The following TMEM223 variants were observed in gnomAD, a reference collection of about 807,000 sequenced individuals.
The protein encoded by TMEM223 is transmembrane protein 223.
A neutral mutation model predicts 14.1 loss-of-function variants in TMEM223; 14 were observed. That is an observed-to-expected ratio of 0.99 (90% CI 0.66 to 1.55). The LOEUF (loss-of-function observed/expected upper bound fraction) is 1.55. TMEM223 is among the 40% of genes most tolerant of loss of function. The pLI is 0.00. For synonymous variants in TMEM223, 145 were observed against 120.5 expected, an observed-to-expected ratio of 1.20 and a Z score of -1.33; for missense variants, 346 against 269.9, an observed-to-expected ratio of 1.28 and a Z score of -1.97.
downstream of TMEM223, chr11:62,787,025 C>A: frequency 4.0e-6 from 6 of 1,499,968 alleles, no homozygotes; most frequent in Non-Finnish European, 4.4e-6. Context: ...GCGCGCGGGG[C>A]ACCCCGGCAG....
downstream of TMEM223, chr11:62,787,181 C>G: frequency 1.3e-6 from 2 of 1,586,926 alleles, no homozygotes; most frequent in Non-Finnish European, 1.7e-6. Flanking sequence ...TTCCCCGCGC[C>G]GTACGGGCCT....
At chr11:62,783,377 G>C (rs910078474), downstream of TMEM223, among the ~76,000 whole-genome samples, 19 of 151,950 alleles carry the variant, frequency 1.3e-4, no homozygotes, top group Non-Finnish European at 1.3e-4. Flanking sequence ...AGCTACTCGG[G>C]AGGCTGAGGC....
chr11:62,787,907 T>C (rs1442926600), downstream of TMEM223: 13 of 522,948 alleles, frequency 2.5e-5, no homozygotes, highest in Non-Finnish European at 4.4e-5. Flanking sequence ...TAAAGCATAG[T>C]GTAGTGGAGA....
chr11:62,789,473 T>G, downstream of TMEM223: 1 of 1,612,190 alleles, frequency 6.2e-7, no homozygotes, highest in Non-Finnish European at 8.5e-7. Context: ...CTACCTTCCC[T>G]CTGCAGCGGG....
intron 1 of TMEM223, chr11:62,778,141 G>T: frequency 6.2e-7 from 1 of 1,614,162 alleles, no homozygotes; most frequent in Non-Finnish European, 8.5e-7. Context: ...GGCTGCCGGG[G>T]TCCTGCATGG....
intron 1 of TMEM223, 33 bp downstream of exon 1, chr11:62,791,646 G>A (rs781592249): frequency 6.7e-7 from 1 of 1,493,920 alleles, no homozygotes; most frequent in South Asian, 1.3e-5. Flanking sequence ...GCCACCCCAC[G>A]TTGTCACAGT....
At chr11:62,787,673 T>C (rs2084303686), downstream of TMEM223, 1 of 1,090,562 alleles carries the variant, frequency 9.2e-7, no homozygotes, top group Non-Finnish European at 1.3e-6. Flanking sequence ...GTACCTGAAA[T>C]GCAGCGAGGC....
chr11:62,782,545 C>G (rs535641519), downstream of TMEM223: 17 of 1,238,814 alleles, frequency 1.4e-5, no homozygotes, highest in African/African-American at 2.4e-4. Flanking sequence ...CCCTCAGGTC[C>G]TAGGCCAGTC....
intron 2 of TMEM223, among the ~76,000 whole-genome samples, chr11:62,772,622 G>A (rs1477601943): frequency 1.3e-5 from 2 of 151,548 alleles, no homozygotes; most frequent in South Asian, 2.1e-4. Flanking sequence ...CTGAGGTCAG[G>A]AGTTCCAGAC....
chr11:62,788,954 C>A, downstream of TMEM223: 1 of 1,495,346 alleles, frequency 6.7e-7, no homozygotes. Flanking sequence ...TTATCACTAA[C>A]ACCCTACCAA....
chr11:62,777,360 A>G (rs774333737), intron 1 of TMEM223, among the ~76,000 whole-genome samples: 5 of 152,172 alleles, frequency 3.3e-5, no homozygotes, highest in Non-Finnish European at 5.9e-5. Context: ...CTAAACGCAC[A>G]CATAAGGGAA....
chr11:62,775,943 C>G (rs965423570), intron 1 of TMEM223: 8 of 1,594,208 alleles, frequency 5.0e-6, no homozygotes, highest in Non-Finnish European at 6.0e-6. Context: ...ACACTCCCCT[C>G]ACCCCCTGAT....
intron 1 of TMEM223, among the ~76,000 whole-genome samples, chr11:62,779,666 T>TA (rs200285099): frequency 0.012 from 1,816 of 151,256 alleles, 15 homozygotes; most frequent in Non-Finnish European, 0.016. Context: ...TTATTTTAAT[T>TA]AAAAAAACAT....
downstream of TMEM223, chr11:62,782,878 A>AAAAAT (rs529123283): frequency 2.9e-4 from 462 of 1,601,214 alleles, no homozygotes; most frequent in South Asian, 3.7e-3. Flanking sequence ...TTTGTGTTAG[A>AAAAAT]AAAATAGTAC....
At chr11:62,773,958 T>A (rs1382510805) in intron 2 of TMEM223, among the ~76,000 whole-genome samples, 1 of 152,044 alleles carries the variant, frequency 6.6e-6, no homozygotes, top group Non-Finnish European at 1.5e-5. Flanking sequence ...TTTGAGGAAC[T>A]GAAAGGAGGA....
intron 1 of TMEM223, chr11:62,775,885 G>A (rs149856351): frequency 6.8e-6 from 11 of 1,613,812 alleles, no homozygotes; most frequent in Middle Eastern, 1.6e-4. Flanking sequence ...AGGTGGCGGC[G>A]CTGCTCGCAG....
At chr11:62,780,926 G>C in intron 1 of TMEM223, among the ~76,000 whole-genome samples, 1 of 122,598 alleles carries the variant, frequency 8.2e-6, no homozygotes, top group East Asian at 2.6e-4. Context: ...AATAGAGTGA[G>C]ACTCCATCTC....
At chr11:62,776,429 G>A (rs749726160) in intron 1 of TMEM223, 1 of 1,613,736 alleles carries the variant, frequency 6.2e-7, no homozygotes, top group Admixed American at 1.7e-5. Context: ...GAAGCTGACG[G>A]TTGAGGACTT....
chr11:62,773,570 T>C (rs2084165187), intron 2 of TMEM223, among the ~76,000 whole-genome samples: 1 of 151,726 alleles, frequency 6.6e-6, no homozygotes, highest in Non-Finnish European at 1.5e-5. Context: ...GCCTCAGCCT[T>C]GCGAGTAGCT....
Sources: allele counts gnomAD v4.1 joint callset (sites outside exome capture counted in the v4.1 genomes callset), GRCh38; gene constraint gnomAD v4.1.1; transcripts MANE v1.5; gene names NCBI Gene and HGNC (gene_info 2026-07-23, HGNC 2026-07-21).